Variants in BIVM observed in about 807,000 individuals in gnomAD.
The protein encoded by BIVM is basic immunoglobulin-like variable motif-containing protein.
In BIVM, 31 loss-of-function variants were observed where a neutral mutation model predicts 61.4. The ratio of observed to expected loss-of-function variants is 0.51; its 90% CI spans 0.38 to 0.68. The LOEUF is 0.68. Ranked by LOEUF, BIVM falls within the 30% of genes least tolerant of loss-of-function variation. The probability of loss-of-function intolerance (pLI) is 0.00; values close to 1 mark genes in which losing one functional copy is unlikely to be tolerated. For synonymous variants in BIVM, 189 were observed against 210.7 expected, an observed-to-expected ratio of 0.90 and a Z score of 0.89; for missense variants, 526 against 596.0, an observed-to-expected ratio of 0.88 and a Z score of 1.22.
rs539523824 is a variant in BIVM, at chr13:102,826,743, G to A, written c.901+4584G>A. Among the ~76,000 whole-genome samples, 3 of 152,258 alleles carry A rather than the reference G, an allele frequency of 2.0e-5. No individual in the cohort carries two copies. In the South Asian group the frequency reaches 6.2e-4, roughly 32 times the overall value. ...TTCTTTTTGCCTGCTGATTAGAAGA[G>A]GACTTCATTTGAGTAGTTAATGGCT... On this transcript the variant is annotated intron_variant, in intron 7 of 10. Coordinates refer to ENST00000257336, the MANE Select transcript of BIVM (RefSeq NM_017693.4).
At chr13:102,808,087 G>A (rs999795798) in intron 3 of BIVM, among the ~76,000 whole-genome samples, 14 of 152,224 alleles carry the variant, frequency 9.2e-5, no homozygotes, top group African/African-American at 3.4e-4. Flanking sequence ...AGTTTTATAG[G>A]CACATGAAGT....
At position 102,814,561 on chromosome 13, in the gene BIVM, A is replaced by G. The variant is rs547943612; in HGVS notation, c.479-1867A>G. On this transcript the variant is annotated intron_variant, in intron 3 of 10. Coordinates refer to ENST00000257336, the MANE Select transcript of BIVM (RefSeq NM_017693.4). ...AGTGGCTGGGAAAACTACTTAGGGA[A>G]TTAAGTCATTATTAGGCAGTGAAGA... Among the ~76,000 whole-genome samples, 3 of 152,298 alleles carry G rather than the reference A, an allele frequency of 2.0e-5. No homozygotes were observed. The South Asian group carries it at 6.2e-4, about 32-fold the overall frequency.
At chr13:102,819,828 C>A (rs918589699) in intron 4 of BIVM, among the ~76,000 whole-genome samples, 1 of 152,122 alleles carries the variant, frequency 6.6e-6, no homozygotes, top group African/African-American at 2.4e-5. Context: ...TATACATATA[C>A]AAATGCATAT....
chr13:102,839,819 G>T lies in BIVM; in HGVS notation c.1466G>T (p.Arg489Met). The T allele has an allele frequency of 6.2e-7, 1 of 1,613,906 alleles. No homozygotes were observed. The highest frequency in any genetic ancestry group is 8.5e-7 in the Non-Finnish European group (1 of 1,180,040). Reference sequence around the variant, plus strand: ...AAGATGTCTAGTATCCATGAGAGAAGGAACAGTGGTTACCAGGGTTACAGT... The same window carrying T: ...AAGATGTCTAGTATCCATGAGAGAATGAACAGTGGTTACCAGGGTTACAGT... ...WKKMSSIHER[R>M]NSGYQGYSDY... The change falls in exon 11 of 11, where the codon AGG (arginine) becomes ATG (methionine). Residue 489 changes from arginine (R) to methionine (M), a missense_variant. Around this residue, in one of 3 missense-constraint regions of BIVM, gnomAD observed 210 missense variants for 233.1 expected, o/e 0.90. Coordinates refer to ENST00000257336, the MANE Select transcript of BIVM (RefSeq NM_017693.4).
chr13:102,813,514 CAG>C (rs1251523667), intron 3 of BIVM, among the ~76,000 whole-genome samples: 2 of 152,232 alleles, frequency 1.3e-5, no homozygotes, highest in East Asian at 1.9e-4. Context: ...TGTCATAATG[CAG>C]AGTTATAATA....
At chr13:102,821,198 A>G in intron 5 of BIVM, 66 bp downstream of exon 5, 1 of 1,402,246 alleles carries the variant, frequency 7.1e-7, no homozygotes, top group Non-Finnish European at 9.7e-7. Context: ...TTTCTATAAC[A>G]GAAAAAAATT....
At chr13:102,814,765 C>A (rs1879748410) in intron 3 of BIVM, among the ~76,000 whole-genome samples, 2 of 152,132 alleles carry the variant, frequency 1.3e-5, no homozygotes, top group South Asian at 4.1e-4. Flanking sequence ...TTAAAAGGGT[C>A]ACGCATGATG....
chr13:102,809,743 A>G (rs982523256), intron 3 of BIVM, among the ~76,000 whole-genome samples: 1 of 151,912 alleles, frequency 6.6e-6, no homozygotes, highest in Non-Finnish European at 1.5e-5. Flanking sequence ...TTGTGCAACC[A>G]TCATCACTAT....
chr13:102,827,769 A>T (rs1264695196), intron 7 of BIVM, among the ~76,000 whole-genome samples: 3 of 152,122 alleles, frequency 2.0e-5, no homozygotes, highest in Admixed American at 6.6e-5. Context: ...TAGCCCTTAC[A>T]TGCTAGATAT....
chr13:102,816,827 T>G, intron 4 of BIVM: 1 of 187,264 alleles, frequency 5.3e-6, no homozygotes, highest in Non-Finnish European at 1.1e-5. Flanking sequence ...ATTAACCTTT[T>G]GATGTAGTTA....
Position 102,834,545 on chromosome 13 carries a change from T to C in BIVM, c.1114T>C (p.Cys372Arg), listed in dbSNP as rs1377628230. The change falls in exon 9 of 11, where the codon TGT becomes CGT. Residue 372 changes from cysteine to arginine, a missense_variant. Cys to Arg is a radical substitution (Grantham distance 180, BLOSUM62 -3). Around this residue, in one of 3 missense-constraint regions of BIVM, gnomAD observed 210 missense variants for 233.1 expected, o/e 0.90. Transcript: ENST00000257336. The stretch of plus-strand genomic sequence containing the variant: ...AAGTAGAAAACATCCTGCCATTCAC[T>C]GTAAAAAGTATGTTAACTTCCCTTT... ...ESSRKHPAIH[C>R]KKWADIVTDL... 1 of 1,583,866 alleles carries C rather than the reference T, an allele frequency of 6.3e-7. No homozygotes were observed. Among genetic ancestry groups the C allele is most frequent in the Non-Finnish European group, 8.5e-7 (1 of 1,171,028 alleles).
Position 102,828,449 on chromosome 13 carries a change from G to A in BIVM, c.902-3116G>A, listed in dbSNP as rs141790583. On this transcript the variant is annotated intron_variant, in intron 7 of 10. Coordinates refer to ENST00000257336, the MANE Select transcript of BIVM (RefSeq NM_017693.4). ...AAGACCCGTCTCTGGCCTCATTCCT[G>A]TATAACTCACACATCGCTTCACCAT... is the stretch of plus-strand genomic sequence containing the variant. 4.5e-3 allele frequency among the ~76,000 whole-genome samples: 692 copies of A among 152,202 alleles called. 5 individuals carry two copies. The highest frequency in any genetic ancestry group is 0.014 in the African/African-American group (583 of 41,514).
At chr13:102,799,692 G>A (rs1878612146) in intron 1 of BIVM, among the ~76,000 whole-genome samples, 171 bp downstream of exon 1, 1 of 152,236 alleles carries the variant, frequency 6.6e-6, no homozygotes, top group Non-Finnish European at 1.5e-5. Context: ...GGGCTGCCAG[G>A]GGTCATCGCC....
At chr13:102,800,730 C>T (rs541550840) in intron 1 of BIVM, 1 of 152,318 alleles carries the variant, frequency 6.6e-6, no homozygotes, top group African/African-American at 2.4e-5. Context: ...CTCTGGGGAC[C>T]CGCAGGTCTG....
Position 102,834,497 on chromosome 13 carries a change from T to C in BIVM, c.1066T>C (p.Tyr356His), listed in dbSNP as rs765462699. The C allele has an allele frequency of 6.3e-7, 1 of 1,596,418 alleles. No individual in the cohort carries two copies. Among genetic ancestry groups the C allele is most frequent in the Non-Finnish European group, 8.5e-7 (1 of 1,174,784 alleles). Residue 356 changes from tyrosine (Y) to histidine (H), a missense_variant, in exon 9 of 11, where the codon TAT (tyrosine) becomes CAT (histidine). Physicochemically the swap from Tyr to His is moderately conservative, Grantham distance 83. Transcript: ENST00000257336. ...RGPLSPQEVE[Y>H]WILIGESSRK... ...ACCTCTCTCACCACAGGAAGTTGAA[T>C]ATTGGATCTTAATTGGAGAATCAAG... is the stretch of plus-strand genomic sequence containing the variant.
At chr13:102,828,222 C>A (rs934939482) in intron 7 of BIVM, among the ~76,000 whole-genome samples, 5 of 152,168 alleles carry the variant, frequency 3.3e-5, no homozygotes, top group African/African-American at 4.8e-5. Flanking sequence ...TCACTAGTCA[C>A]AATGAAAATT....
intron 4 of BIVM, among the ~76,000 whole-genome samples, chr13:102,820,161 G>A (rs948457374): frequency 6.6e-6 from 1 of 151,968 alleles, no homozygotes; most frequent in Non-Finnish European, 1.5e-5. Context: ...AGACCATCCT[G>A]GCCAACATAG....
At chr13:102,801,660 A>G (rs983403130) in intron 1 of BIVM, 4 of 152,242 alleles carry the variant, frequency 2.6e-5, no homozygotes, top group African/African-American at 9.6e-5. Context: ...CTTAAAAATT[A>G]TCTGTTGAAT....
intron 3 of BIVM, among the ~76,000 whole-genome samples, chr13:102,812,349 C>G (rs937163283): frequency 6.6e-6 from 1 of 152,144 alleles, no homozygotes; most frequent in African/African-American, 2.4e-5. Context: ...GCCATTTGGT[C>G]TTTCCAGGAT....
Sources: allele counts gnomAD v4.1 joint callset (sites outside exome capture counted in the v4.1 genomes callset), GRCh38; gene constraint gnomAD v4.1.1; regional missense constraint gnomAD v4.1.1; transcripts MANE v1.5; gene names NCBI Gene and HGNC (gene_info 2026-07-23, HGNC 2026-07-21).